SLC38A9: variants seen among roughly 807,000 people sequenced by gnomAD.
SLC38A9 encodes neutral amino acid transporter 9.
Under a neutral mutation model 62.3 loss-of-function variants are expected in SLC38A9, and 48 were observed. The ratio of observed to expected loss-of-function variants is 0.77; its 90% CI spans 0.61 to 0.98. The LOEUF is 0.98. Among genes scored for constraint, SLC38A9 ranks in the 50% least tolerant of loss-of-function variants. The pLI, the probability that SLC38A9 is intolerant of heterozygous loss-of-function variation, is 0.00. For synonymous variants in SLC38A9, 204 were observed against 227.7 expected (o/e 0.90, Z 0.94); for missense variants, 541 against 679.8 (o/e 0.80, Z 2.27).
At chr5:55,627,124 T>C (rs1275557258) in intron 15 of SLC38A9, among the ~76,000 whole-genome samples, 1 of 152,178 alleles carries the variant, frequency 6.6e-6, no homozygotes, top group Non-Finnish European at 1.5e-5. Flanking sequence ...CATGAGACTG[T>C]GACAGAGAAA....
intron 4 of SLC38A9, among the ~76,000 whole-genome samples, chr5:55,670,140 A>AT (rs1457975993): frequency 6.6e-6 from 1 of 151,660 alleles, no homozygotes; most frequent in African/African-American, 2.4e-5. Flanking sequence ...AATTTTTTGT[A>AT]TTTTTTTGTA....
chr5:55,673,999 A>G (rs1301877853), intron 3 of SLC38A9, among the ~76,000 whole-genome samples: 1 of 152,200 alleles, frequency 6.6e-6, no homozygotes, highest in Non-Finnish European at 1.5e-5. Flanking sequence ...GGCATAAGCT[A>G]CCTCACCCAG....
chr5:55,652,439 G>T, intron 10 of SLC38A9, 90 bp downstream of exon 10: 1 of 625,008 alleles, frequency 1.6e-6, no homozygotes, highest in Non-Finnish European at 2.5e-6. Context: ...AACAGGCTTG[G>T]AAGGTAACTC....
chr5:55,659,155 A>G (rs906363145), intron 8 of SLC38A9, among the ~76,000 whole-genome samples: 1 of 152,036 alleles, frequency 6.6e-6, no homozygotes, highest in Non-Finnish European at 1.5e-5. Flanking sequence ...ATATCCCACA[A>G]TAAACATAAT....
At chr5:55,712,103 T>A (rs1046537009) in intron 1 of SLC38A9, 114 bp downstream of exon 1, 1 of 152,242 alleles carries the variant, frequency 6.6e-6, no homozygotes, top group African/African-American at 2.4e-5. Flanking sequence ...TGCAAAGAAC[T>A]ATCCCAGGTG....
intron 2 of SLC38A9, among the ~76,000 whole-genome samples, chr5:55,706,785 T>G (rs1355316213): frequency 2.0e-5 from 3 of 152,144 alleles, no homozygotes; most frequent in Non-Finnish European, 4.4e-5. Flanking sequence ...CAACAGAAAT[T>G]TAATGTCCCC....
At chr5:55,690,573 T>C (rs1239346778) in intron 3 of SLC38A9, among the ~76,000 whole-genome samples, 1 of 152,202 alleles carries the variant, frequency 6.6e-6, no homozygotes, top group Non-Finnish European at 1.5e-5. Flanking sequence ...ATATAATTTA[T>C]ACAACTCTGG....
At chr5:55,682,490 T>G (rs1753168616) in intron 3 of SLC38A9, among the ~76,000 whole-genome samples, 1 of 152,070 alleles carries the variant, frequency 6.6e-6, no homozygotes, top group African/African-American at 2.4e-5. Context: ...GAAAAATGAG[T>G]TCTAAATATA....
intron 13 of SLC38A9, 192 bp from the exon 14 acceptor site, chr5:55,634,094 A>T: frequency 2.4e-6 from 1 of 415,572 alleles, no homozygotes; most frequent in Non-Finnish European, 4.2e-6. Context: ...GTGTTCAGAA[A>T]CTTTTACAGG....
chr5:55,649,202 C>A lies in SLC38A9; in HGVS notation c.1060+5G>T. ...TATAATTTATTATTTTGCCAAAAAG[C>A]TCACCTGGTACAAAAAATTCTGTTG... On this transcript the variant is annotated splice_donor_5th_base_variant and intron_variant, in intron 11 of 15. Transcript: ENST00000396865. 1 of 1,543,292 alleles carries A rather than the reference C, an allele frequency of 6.5e-7. No individual in the cohort carries two copies. The highest frequency in any genetic ancestry group is 1.2e-5 in the South Asian group (1 of 81,718).
chr5:55,658,585 G>T (rs921853846), intron 8 of SLC38A9, among the ~76,000 whole-genome samples: 1 of 152,208 alleles, frequency 6.6e-6, no homozygotes, highest in Non-Finnish European at 1.5e-5. Context: ...ACCAACAAAG[G>T]TTAGGAAGAG....
chr5:55,645,347 G>T (rs940425721), intron 12 of SLC38A9, among the ~76,000 whole-genome samples: 2 of 152,102 alleles, frequency 1.3e-5, no homozygotes, highest in Non-Finnish European at 2.9e-5. Context: ...GAGCCACCAC[G>T]CCCAGGGTAT....
At chr5:55,629,684 AT>A (rs1310123901) in intron 14 of SLC38A9, among the ~76,000 whole-genome samples, 1 of 152,028 alleles carries the variant, frequency 6.6e-6, no homozygotes. Context: ...TTTGACAGAG[AT>A]TTTCCAGAAA....
chr5:55,676,003 A>G lies in SLC38A9; in HGVS notation c.114-3308T>C, dbSNP rs151091853. Reference sequence around the variant, plus strand: ...TTCAGTATTTAGGGATATACAGACAATAAAACTATTATAAAGCGTAGGGAA... The same window carrying G: ...TTCAGTATTTAGGGATATACAGACAGTAAAACTATTATAAAGCGTAGGGAA... On this transcript the variant is annotated intron_variant, in intron 3 of 15. Coordinates refer to ENST00000396865, the MANE Select transcript of SLC38A9 (RefSeq NM_173514.4). 3.2e-3 allele frequency among the ~76,000 whole-genome samples: 491 copies of G among 152,340 alleles called. 17 individuals carry two copies. Among genetic ancestry groups the G allele is most frequent in the Admixed American group, 0.029 (444 of 15,300 alleles).
intron 3 of SLC38A9, among the ~76,000 whole-genome samples, chr5:55,687,149 T>C (rs1162118335): frequency 6.7e-6 from 1 of 149,790 alleles, no homozygotes; most frequent in African/African-American, 2.5e-5. Flanking sequence ...TTTTTAAAAG[T>C]TTTTTCTAGG....
chr5:55,696,786 A>G (rs1366626961), intron 3 of SLC38A9: 94 of 132,122 alleles, frequency 7.1e-4, no homozygotes, highest in Non-Finnish European at 1.2e-3. Flanking sequence ...CCGGGTGGAG[A>G]GGCTCCTCAC....
Position 55,692,953 on chromosome 5 carries a change from A to C in SLC38A9, c.113+4893T>G, listed in dbSNP as rs1319885732. The C allele has an allele frequency of 2.2e-5, 22 of 980,732 alleles. No homozygotes were observed. In the East Asian group the frequency reaches 2.3e-3, roughly 101 times the overall value. 60.8% of individuals were successfully genotyped at this position (980,732 alleles called of 1,614,324 possible). A position where few individuals can be genotyped will look rare whatever the true frequency, so the allele number is the denominator to read the frequency against. ...ATAAATTTCTCATGTGATAAATTTC[A>C]CATTTCCACCTCTAGTTTTAAGAAA... On this transcript the variant is annotated intron_variant, in intron 3 of 15. Transcript: ENST00000396865.
intron 13 of SLC38A9, chr5:55,634,667 C>A (rs1484707751): frequency 6.6e-6 from 1 of 152,128 alleles, no homozygotes; most frequent in Non-Finnish European, 1.5e-5. Flanking sequence ...CATTTCCAAG[C>A]TGCCATAATA....
chr5:55,633,711 T>C (rs781165574), intron 14 of SLC38A9, 43 bp downstream of exon 14: 9 of 1,613,288 alleles, frequency 5.6e-6, no homozygotes, highest in East Asian at 2.2e-5. Flanking sequence ...GCACAGTCAT[T>C]TGTTGCTTGG....
Sources: gnomAD v4.1 joint callset for allele counts (sites outside exome capture counted in the v4.1 genomes callset) on GRCh38, gnomAD v4.1.1 for gene constraint, MANE v1.5 for transcripts, NCBI Gene and HGNC (gene_info 2026-07-23, HGNC 2026-07-21) for gene names.